Variants in NCKAP5 observed in about 807,000 individuals in gnomAD.
NCKAP5 encodes nck-associated protein 5.
In NCKAP5, 92 loss-of-function variants were observed where a neutral mutation model predicts 167.0. The ratio of observed to expected loss-of-function variants is 0.55; its 90% confidence interval spans 0.47 to 0.66. NCKAP5 has a LOEUF of 0.66. Among genes scored for constraint, NCKAP5 ranks in the 30% least tolerant of loss-of-function variants. NCKAP5 has a pLI of 0.00. For synonymous variants in NCKAP5, 891 were observed against 877.4 expected (o/e 1.02, Z -0.27); for missense variants, 2,378 against 2,315.0 (o/e 1.03, Z -0.56).
At chr2:132,895,816 C>CAAAAAAAAAAAAAAAAAAAAAAAAAAA (rs59012786) in intron 8 of NCKAP5, among the ~76,000 whole-genome samples, 1 of 105,252 alleles carries the variant, frequency 9.5e-6, no homozygotes, top group Non-Finnish European at 2.0e-5. Flanking sequence ...GAGAAGGACT[C>CAAAAAAAAAAAAAAAAAAAAAAAAAAA]AAAAAAAAAA....
At chr2:133,129,309 T>C (rs868559628) in intron 6 of NCKAP5, among the ~76,000 whole-genome samples, 22 of 151,470 alleles carry the variant, frequency 1.5e-4, no homozygotes, top group African/African-American at 4.1e-4. Context: ...TGTGTGCTCA[T>C]TGTTCAATTC....
rs370525577 is a variant in NCKAP5, at chr2:132,827,958, G to A, written c.808-31229C>T. 7.2e-5 allele frequency among the ~76,000 whole-genome samples: 11 copies of A among 152,198 alleles called. No individual in the cohort carries two copies. In the East Asian group the frequency reaches 2.1e-3, roughly 29 times the overall value. ...TTAGGGGAAGCAGTACGATATAATAGGTAAAACTTTGGCTTTGAAGTCAGA... is the reference window on the plus strand; with the variant it reads ...TTAGGGGAAGCAGTACGATATAATAAGTAAAACTTTGGCTTTGAAGTCAGA... On this transcript the variant is annotated intron_variant, in intron 11 of 19. Transcript: ENST00000409261.
At chr2:133,434,423 A>G (rs1690343023) in intron 3 of NCKAP5, among the ~76,000 whole-genome samples, 2 of 152,206 alleles carry the variant, frequency 1.3e-5, no homozygotes, top group Admixed American at 6.5e-5. Flanking sequence ...TAAAGCAGTA[A>G]AGTCAAGAAC....
chr2:133,589,356 C>G, the NCKAP5 span, among the ~76,000 whole-genome samples: 13 of 152,130 alleles, frequency 8.5e-5, no homozygotes, highest in Non-Finnish European at 1.6e-4. Flanking sequence ...ATTGGAAAGA[C>G]AGAATCATCT....
intron 7 of NCKAP5, among the ~76,000 whole-genome samples, chr2:132,977,455 C>A (rs1389468160): frequency 6.6e-6 from 1 of 152,086 alleles, no homozygotes; most frequent in Non-Finnish European, 1.5e-5. Context: ...CCACATGCAT[C>A]TTCTCACATA....
At position 132,731,725 on chromosome 2, in the gene NCKAP5, T is replaced by C. The variant is rs376613894; in HGVS notation, c.5443+12A>G. ...CAAATGTCTTATTAAGGGTGGGAAA[T>C]TGGCATTTTACCTGAGGAAGCTGGT... On this transcript the variant is annotated intron_variant, in intron 17 of 19. Transcript: ENST00000409261. The C allele has an allele frequency of 6.9e-5, 107 of 1,561,066 alleles. No individual in the cohort carries two copies. In the African/African-American group the frequency reaches 1.2e-3, roughly 17 times the overall value.
At chr2:133,205,866 A>G (rs1042787394) in intron 5 of NCKAP5, among the ~76,000 whole-genome samples, 1 of 152,144 alleles carries the variant, frequency 6.6e-6, no homozygotes, top group Admixed American at 6.5e-5. Flanking sequence ...TAAATATTAT[A>G]GTTTAAAACT....
rs1687702706 is a variant in NCKAP5 at position 132,699,745 on chromosome 2, T to C, written c.5713+25882A>G. On this transcript the variant is annotated intron_variant, in intron 19 of 19. Transcript: ENST00000409261. ...AGTCTATCATTGATGGACATCTGGG[T>C]TGGTTCCAAGTCTTTGCTATTGTGA... Among the ~76,000 whole-genome samples, 2 of 152,204 alleles carry C rather than the reference T, an allele frequency of 1.3e-5. 1 individual carries two copies. Among genetic ancestry groups the C allele is most frequent in the South Asian group, 4.1e-4 (2 of 4,826 alleles).
At chr2:133,414,357 C>T (rs897797711) in intron 3 of NCKAP5, among the ~76,000 whole-genome samples, 6 of 152,146 alleles carry the variant, frequency 3.9e-5, no homozygotes, top group Non-Finnish European at 7.4e-5. Context: ...AAAACATTTT[C>T]CACATTAGAA....
chr2:132,942,213 T>C (rs1176763584), intron 8 of NCKAP5, among the ~76,000 whole-genome samples: 4 of 152,188 alleles, frequency 2.6e-5, no homozygotes, highest in Admixed American at 2.0e-4. Context: ...TCAATAAACA[T>C]TAAACATGAA....
chr2:132,905,895 C>A (rs913152670), intron 8 of NCKAP5, among the ~76,000 whole-genome samples: 1 of 152,178 alleles, frequency 6.6e-6, no homozygotes, highest in African/African-American at 2.4e-5. Context: ...TTCTCAATAG[C>A]CAGTTTTATT....
At chr2:133,382,799 T>G (rs1332271556) in intron 3 of NCKAP5, among the ~76,000 whole-genome samples, 6 of 152,214 alleles carry the variant, frequency 3.9e-5, no homozygotes, top group Non-Finnish European at 5.9e-5. Context: ...GTCTCCTTAC[T>G]CACCACCCCA....
At chr2:133,626,356 C>A in the NCKAP5 span, among the ~76,000 whole-genome samples, 1 of 151,972 alleles carries the variant, frequency 6.6e-6, no homozygotes, top group South Asian at 2.1e-4. Context: ...AATACAGGGG[C>A]AGAGAAATAC....
At chr2:133,261,699 A>T (rs1192978247) in intron 4 of NCKAP5, among the ~76,000 whole-genome samples, 1 of 152,192 alleles carries the variant, frequency 6.6e-6, no homozygotes, top group Non-Finnish European at 1.5e-5. Context: ...CTTTAAACTA[A>T]ACTGGTTTAT....
At chr2:133,498,433 CGGAA>C (rs749222948) in intron 3 of NCKAP5, among the ~76,000 whole-genome samples, 8,540 of 100,194 alleles carry the variant, frequency 0.085, 586 homozygotes, top group African/African-American at 0.17. Context: ...ATGAGAAAAA[CGGAA>C]GGAAGGAAGG....
intron 16 of NCKAP5, among the ~76,000 whole-genome samples, chr2:132,742,400 C>A (rs1258105622): frequency 6.6e-6 from 1 of 151,844 alleles, no homozygotes; most frequent in Non-Finnish European, 1.5e-5. Context: ...ATATAAAAAC[C>A]AGGAAGCATG....
chr2:133,123,476 A>G (rs2082311824), intron 6 of NCKAP5: 1 of 197,960 alleles, frequency 5.1e-6, no homozygotes, highest in African/African-American at 2.3e-5. Flanking sequence ...AAGAAAATTT[A>G]TCCTTGAACC....
chr2:133,203,306 T>C (rs13392607), intron 5 of NCKAP5, among the ~76,000 whole-genome samples: 72,170 of 151,694 alleles, frequency 0.48, 17,577 homozygotes, highest in Non-Finnish European at 0.52. Flanking sequence ...AACCAAACAC[T>C]GCATGTTCTC....
chr2:133,214,992 G>C (rs934914561), intron 4 of NCKAP5, among the ~76,000 whole-genome samples: 25 of 152,294 alleles, frequency 1.6e-4, no homozygotes, highest in African/African-American at 5.8e-4. Context: ...GTTGCAGCTG[G>C]GCAGTCTTTT....
Sources: gnomAD v4.1 joint callset for allele counts (sites outside exome capture counted in the v4.1 genomes callset) on GRCh38, gnomAD v4.1.1 for gene constraint, MANE v1.5 for transcripts, NCBI Gene and HGNC (gene_info 2026-07-23, HGNC 2026-07-21) for gene names.